MRGPRX3: variants seen among roughly 807,000 people sequenced by gnomAD.
MRGPRX3 encodes the protein mas-related G protein-coupled receptor member X3.
In MRGPRX3, 14 loss-of-function variants were observed where a neutral mutation model predicts 16.5. The ratio of observed to expected loss-of-function variants is 0.85; its 90% CI spans 0.56 to 1.33. The LOEUF is 1.33. Among genes scored for constraint, MRGPRX3 ranks in the 40% most tolerant of loss-of-function variants. The pLI is 0.00. For missense variants in MRGPRX3, 449 were observed against 413.0 expected (o/e 1.09, Z -0.76); for synonymous variants, 199 against 180.1 (o/e 1.10, Z -0.84).
intron 1 of MRGPRX3, among the ~76,000 whole-genome samples, chr11:18,135,127 GA>G (rs1848996691): frequency 1.3e-5 from 2 of 152,116 alleles, no homozygotes; most frequent in Admixed American, 1.3e-4. Flanking sequence ...TGTGAACCAG[GA>G]AAACCCTTTA....
intron 1 of MRGPRX3, among the ~76,000 whole-genome samples, chr11:18,126,258 T>C (rs548329455): frequency 6.6e-6 from 1 of 152,232 alleles, no homozygotes; most frequent in Non-Finnish European, 1.5e-5. Context: ...TTAATTTTGC[T>C]CATTAGTTGA....
At chr11:18,128,654 C>A (rs370516604), upstream of MRGPRX3, among the ~76,000 whole-genome samples, 1 of 152,176 alleles carries the variant, frequency 6.6e-6, no homozygotes. Context: ...GGGAGTGACC[C>A]GATTTTCCAG....
intron 1 of MRGPRX3, 44 bp from the exon 2 acceptor site, chr11:18,137,134 C>G: frequency 6.6e-7 from 1 of 1,519,588 alleles, no homozygotes; most frequent in Non-Finnish European, 8.8e-7. Context: ...TGGGGAGAAT[C>G]AGAGATCAAA....
At chr11:18,127,352 A>G (rs548031802) in intron 1 of MRGPRX3, among the ~76,000 whole-genome samples, 1 of 152,274 alleles carries the variant, frequency 6.6e-6, no homozygotes, top group African/African-American at 2.4e-5. Context: ...CCTGGATAAT[A>G]TCCTGCAGAG....
chr11:18,133,016 C>G (rs1848976881), intron 1 of MRGPRX3, among the ~76,000 whole-genome samples: 1 of 152,200 alleles, frequency 6.6e-6, no homozygotes, highest in Admixed American at 6.5e-5. Flanking sequence ...CTCTTACATT[C>G]ATTTAACGAG....
chr11:18,125,550 G>A (rs983267060), intron 1 of MRGPRX3, among the ~76,000 whole-genome samples: 2 of 151,112 alleles, frequency 1.3e-5, no homozygotes, highest in South Asian at 2.1e-4. Context: ...TGTGGTCTAA[G>A]AGAGAGTTTG....
intron 1 of MRGPRX3, among the ~76,000 whole-genome samples, chr11:18,135,348 G>T (rs1438282101): frequency 3.3e-5 from 5 of 152,160 alleles, no homozygotes; most frequent in African/African-American, 1.2e-4. Flanking sequence ...ACAGTTTAGT[G>T]CTCTGAGTGT....
rs752643432 is a variant in MRGPRX3, at chr11:18,137,242, C to A, written c.40C>A (p.Pro14Thr). 5.6e-6 allele frequency: 9 copies of A among 1,612,270 alleles called. No individual in the cohort carries two copies. In the East Asian group the frequency reaches 1.6e-4, roughly 28 times the overall value. ...CCCAGTCTTGGGTACAGAACTGACA[C>A]CAATCAACGGACGTGAGGAGACTCC... ...TIPVLGTELTPINGREETPCY... is the reference protein window; with the variant it reads ...TIPVLGTELTTINGREETPCY... The change falls in exon 2 of 2, where the codon CCA becomes ACA. Residue 14 changes from proline (P) to threonine (T), a missense_variant. Transcript: ENST00000621697.
intron 1 of MRGPRX3, among the ~76,000 whole-genome samples, chr11:18,133,278 A>C (rs1848979735): frequency 6.6e-6 from 1 of 152,208 alleles, no homozygotes; most frequent in Non-Finnish European, 1.5e-5. Context: ...CGGACAGGGA[A>C]GGAGCAGTTA....
At chr11:18,129,009 C>T (rs1343072855), upstream of MRGPRX3, among the ~76,000 whole-genome samples, 2 of 152,166 alleles carry the variant, frequency 1.3e-5, no homozygotes, top group East Asian at 3.8e-4. Context: ...AATAGTGACA[C>T]AACCTATCAA....
rs149836029 is a variant in MRGPRX3 at position 18,137,324 on chromosome 11, C to T, written c.122C>T (p.Ala41Val). Residue 41 changes from alanine to valine, a missense_variant, in exon 2 of 2, where the codon GCG becomes GTG. Ala to Val is a moderately conservative substitution (Grantham distance 64). Transcript: ENST00000621697. ...CTGACGTGCATCGTTTCCCTTGTCG[C>T]GCTGACAGGAAACGCGGTTGTGCTC... ...TGLTCIVSLV[A>V]LTGNAVVLWL... 7.9e-5 allele frequency: 128 copies of T among 1,614,022 alleles called. No individual in the cohort carries two copies. Among genetic ancestry groups the T allele is most frequent in the Non-Finnish European group, 9.7e-5 (114 of 1,180,030 alleles).
At chr11:18,131,539 G>A (rs1176161427), upstream of MRGPRX3, among the ~76,000 whole-genome samples, 1 of 152,188 alleles carries the variant, frequency 6.6e-6, no homozygotes, top group African/African-American at 2.4e-5. Flanking sequence ...AATAATAGAT[G>A]TTGGTGGGTC....
At chr11:18,135,842 A>G (rs1223168909) in intron 1 of MRGPRX3, among the ~76,000 whole-genome samples, 1 of 152,132 alleles carries the variant, frequency 6.6e-6, no homozygotes, top group Non-Finnish European at 1.5e-5. Flanking sequence ...TTCATACTAT[A>G]TAATATATAA....
upstream of MRGPRX3, among the ~76,000 whole-genome samples, chr11:18,128,547 G>A (rs200737620): frequency 7.9e-5 from 12 of 152,320 alleles, no homozygotes; most frequent in East Asian, 1.9e-4. Context: ...AGCAATGAGC[G>A]AGGCTCCATG....
Position 18,137,387 on chromosome 11 carries a change from C to G in MRGPRX3, c.185C>G (p.Ser62Cys). The stretch of plus-strand genomic sequence containing the variant: ...TGCCGCATGCGCAGGAACGCTGTCT[C>G]CATCTACATCCTCAACCTGGTCGCG... The part of the protein sequence containing the change: ...LGCRMRRNAV[S>C]IYILNLVAAD... The change falls in exon 2 of 2, where the codon TCC becomes TGC. Residue 62 changes from serine to cysteine, a missense_variant. Coordinates refer to ENST00000621697, the MANE Select transcript of MRGPRX3 (RefSeq NM_001370464.1). The G allele has an allele frequency of 6.2e-7, 1 of 1,614,220 alleles. No homozygotes were observed. The highest frequency in any genetic ancestry group is 1.1e-5 in the South Asian group (1 of 91,078).
upstream of MRGPRX3, among the ~76,000 whole-genome samples, chr11:18,127,784 C>CT (rs1276516114): frequency 2.0e-5 from 3 of 152,236 alleles, no homozygotes; most frequent in Non-Finnish European, 4.4e-5. Flanking sequence ...CAAAGTCATT[C>CT]TCCGTCCAGC....
At chr11:18,132,991 T>C (rs1296813351) in intron 1 of MRGPRX3, among the ~76,000 whole-genome samples, 2 of 152,198 alleles carry the variant, frequency 1.3e-5, no homozygotes, top group Non-Finnish European at 2.9e-5. Flanking sequence ...TCTGCCCTCA[T>C]GGAGAGACTG....
chr11:18,127,127 T>C (rs1169418602), intron 1 of MRGPRX3, among the ~76,000 whole-genome samples: 1 of 152,262 alleles, frequency 6.6e-6, no homozygotes, highest in Admixed American at 6.5e-5. Context: ...GTGGAGTTTC[T>C]GCCGAGAGAT....
chr11:18,135,101 G>A (rs1272988814), intron 1 of MRGPRX3, among the ~76,000 whole-genome samples: 3 of 152,106 alleles, frequency 2.0e-5, no homozygotes, highest in African/African-American at 7.2e-5. Flanking sequence ...GCTGGTATTG[G>A]ACCTGCTCTT....
Sources: gnomAD v4.1 joint callset for allele counts (sites outside exome capture counted in the v4.1 genomes callset) on GRCh38, gnomAD v4.1.1 for gene constraint, MANE v1.5 for transcripts, NCBI Gene and HGNC (gene_info 2026-07-23, HGNC 2026-07-21) for gene names.